PTPN14: variants seen among roughly 807,000 people sequenced by gnomAD.
PTPN14 encodes the protein protein tyrosine phosphatase non-receptor type 14.
PTPN14 carries 53 observed loss-of-function variants against 126.8 expected under a neutral mutation model. The observed-to-expected ratio is 0.42, with a 90% CI of 0.34 to 0.53. PTPN14 has a LOEUF of 0.53. Among genes scored for constraint, PTPN14 ranks in the 20% least tolerant of loss-of-function variants. The pLI is 0.08. For missense variants in PTPN14, 1,257 were observed against 1,552.9 expected (o/e 0.81, Z 3.20); for synonymous variants, 630 against 599.3 (o/e 1.05, Z -0.75).
At chr1:214,373,196 A>G (rs1007772856) in intron 15 of PTPN14, among the ~76,000 whole-genome samples, 7 of 152,158 alleles carry the variant, frequency 4.6e-5, no homozygotes, top group African/African-American at 1.7e-4. Context: ...CTGGGATTAC[A>G]GGCACTCGCC....
At chr1:214,509,904 C>T (rs546134416) in intron 1 of PTPN14, among the ~76,000 whole-genome samples, 271 of 152,274 alleles carry the variant, frequency 1.8e-3, no homozygotes, top group African/African-American at 6.4e-3. Flanking sequence ...AACCAAACAC[C>T]ACATGTTCTC....
rs186316992 is a variant in PTPN14, at chr1:214,534,453, C to T, written c.-155+16730G>A. ...TATTGGCCGGGCGCGGTGGCTCAAG[C>T]CTGTAATCCCAGCACTTTGGGAGGC... On this transcript the variant is annotated intron_variant, in intron 1 of 18. Transcript: ENST00000366956. 4.2e-3 allele frequency among the ~76,000 whole-genome samples: 643 copies of T among 152,234 alleles called. 1 individual carries two copies. Among genetic ancestry groups the T allele is most frequent in the Non-Finnish European group, 5.7e-3 (391 of 68,022 alleles).
In PTPN14 at chr1:214,421,631, G is replaced by GA. The variant is rs201388343; in HGVS notation, c.345-6906dup. Among the ~76,000 whole-genome samples the GA allele has an allele frequency of 7.7e-4, 117 of 152,126 alleles. 2 individuals carry two copies. In the East Asian group the frequency reaches 0.021, roughly 28 times the overall value. On this transcript the variant is annotated intron_variant, in intron 3 of 18. Transcript: ENST00000366956. ...CAAAACACCCAATGATCCTAATCAG[G>GA]AAAAAATCCAAACTCTTGACACAAT... is the stretch of plus-strand genomic sequence containing the variant.
intron 5 of PTPN14, among the ~76,000 whole-genome samples, chr1:214,404,046 C>T (rs569850043): frequency 2.0e-5 from 3 of 152,262 alleles, no homozygotes; most frequent in African/African-American, 7.2e-5. Context: ...ACCAAACGCC[C>T]CATTCCTTTG....
chr1:214,482,142 C>T (rs887338726), intron 1 of PTPN14, among the ~76,000 whole-genome samples: 4 of 151,520 alleles, frequency 2.6e-5, no homozygotes, highest in African/African-American at 9.7e-5. Context: ...GTAGGTGATG[C>T]TAAACACTAT....
chr1:214,473,541 T>A (rs189391276), intron 1 of PTPN14, among the ~76,000 whole-genome samples: 1 of 152,360 alleles, frequency 6.6e-6, no homozygotes, highest in East Asian at 1.9e-4. Context: ...GTCTTTGGAA[T>A]TTCTCCAGCA....
intron 3 of PTPN14, among the ~76,000 whole-genome samples, chr1:214,448,202 G>A (rs1396429214): frequency 5.3e-5 from 8 of 152,108 alleles, no homozygotes; most frequent in Admixed American, 5.2e-4. Flanking sequence ...CTGAGGCTGG[G>A]TGAGTGTCAG....
At chr1:214,400,508 T>G (rs1421740379) in intron 7 of PTPN14, among the ~76,000 whole-genome samples, 1 of 152,138 alleles carries the variant, frequency 6.6e-6, no homozygotes, top group Non-Finnish European at 1.5e-5. Context: ...ACAGCAGATT[T>G]CAACATGACC....
intron 1 of PTPN14, among the ~76,000 whole-genome samples, chr1:214,486,412 A>G (rs1661114230): frequency 6.6e-6 from 1 of 152,192 alleles, no homozygotes; most frequent in South Asian, 2.1e-4. Flanking sequence ...AGAATATCTT[A>G]AAGTATGAGC....
intron 10 of PTPN14, 41 bp from the exon 11 acceptor site, chr1:214,391,086 T>C: frequency 6.9e-7 from 1 of 1,458,828 alleles, no homozygotes; most frequent in Non-Finnish European, 9.4e-7. Flanking sequence ...TTATTATTAT[T>C]GATATAAAAA....
chr1:214,530,260 T>C (rs1156719502), intron 1 of PTPN14: 3 of 152,036 alleles, frequency 2.0e-5, no homozygotes, highest in Admixed American at 6.6e-5. Context: ...GGCAACACAG[T>C]GTGGGGTCCC....
intron 1 of PTPN14, among the ~76,000 whole-genome samples, chr1:214,522,247 T>C (rs1655279220): frequency 6.6e-6 from 1 of 152,134 alleles, no homozygotes; most frequent in African/African-American, 2.4e-5. Flanking sequence ...AAGCTTCTTA[T>C]ATCATCTTTT....
At chr1:214,398,414 C>T (rs1221848125) in intron 7 of PTPN14, among the ~76,000 whole-genome samples, 2 of 152,092 alleles carry the variant, frequency 1.3e-5, no homozygotes, top group African/African-American at 2.4e-5. Flanking sequence ...ATCATTGTGA[C>T]CATAGCATAG....
chr1:214,369,799 A>G, intron 16 of PTPN14, 108 bp from the exon 17 acceptor site: 1 of 948,734 alleles, frequency 1.1e-6, no homozygotes, highest in Non-Finnish European at 1.7e-6. Context: ...CTAAATCGCT[A>G]GTTCAGTAGC....
intron 10 of PTPN14, among the ~76,000 whole-genome samples, chr1:214,392,216 G>C (rs544981382): frequency 1.3e-5 from 2 of 152,270 alleles, no homozygotes; most frequent in Non-Finnish European, 2.9e-5. Flanking sequence ...GAGCGAGAGA[G>C]AGTATAATTT....
chr1:214,410,763 G>C (rs746262541), intron 5 of PTPN14, among the ~76,000 whole-genome samples: 4 of 152,164 alleles, frequency 2.6e-5, no homozygotes, highest in Admixed American at 6.5e-5. Context: ...ATTGGTTTTA[G>C]ATGTGTGTGA....
chr1:214,483,010 C>T, intron 1 of PTPN14: 3 of 1,435,408 alleles, frequency 2.1e-6, no homozygotes, highest in Non-Finnish European at 2.8e-6. Flanking sequence ...AATACCATTC[C>T]CCCCATACTA....
At chr1:214,443,051 G>A (rs1170481801) in intron 3 of PTPN14, among the ~76,000 whole-genome samples, 4 of 152,184 alleles carry the variant, frequency 2.6e-5, no homozygotes, top group Non-Finnish European at 4.4e-5. Context: ...TCGAACTCCC[G>A]ACCTCAAGTG....
chr1:214,412,662 C>T (rs997843601), intron 4 of PTPN14, among the ~76,000 whole-genome samples: 39 of 152,152 alleles, frequency 2.6e-4, no homozygotes, highest in African/African-American at 9.4e-4. Context: ...ATGCAATAAG[C>T]GTTCTCAAAA....
Sources: allele counts gnomAD v4.1 joint callset (sites outside exome capture counted in the v4.1 genomes callset), GRCh38; gene constraint gnomAD v4.1.1; transcripts MANE v1.5; gene names NCBI Gene and HGNC (gene_info 2026-07-23, HGNC 2026-07-21).